The following MBD5 variants were observed in gnomAD, a reference collection of about 807,000 sequenced individuals.
The protein encoded by MBD5 is methyl-CpG binding domain protein 5.
A neutral mutation model predicts 117.3 loss-of-function variants in MBD5; 13 were observed. The ratio of observed to expected loss-of-function variants is 0.11; its 90% confidence interval spans 0.07 to 0.18. The LOEUF is 0.18. MBD5 is among the 10% of genes least tolerant of loss of function. The pLI is 1.00. For missense variants in MBD5, 1,879 were observed against 2,093.8 expected (o/e 0.90, Z 2.00); for synonymous variants, 727 against 766.4 (o/e 0.95, Z 0.85).
chr2:148,410,937 G>A (rs1330398080), intron 4 of MBD5, among the ~76,000 whole-genome samples: 2 of 152,132 alleles, frequency 1.3e-5, no homozygotes, highest in African/African-American at 4.8e-5. Context: ...GGGAGTTGGT[G>A]TACAGATTAT....
intron 1 of MBD5, among the ~76,000 whole-genome samples, chr2:148,173,857 A>G (rs899153479): frequency 6.6e-6 from 1 of 152,244 alleles, no homozygotes; most frequent in African/African-American, 2.4e-5. Flanking sequence ...TAAAATGCTC[A>G]TATTACCCAA....
intron 8 of MBD5, 37 bp from the exon 9 acceptor site, chr2:148,483,073 A>C (rs770617393): frequency 6.3e-7 from 1 of 1,582,980 alleles, no homozygotes. Context: ...TTCATGATTA[A>C]TAACTGGGTT....
intron 3 of MBD5, among the ~76,000 whole-genome samples, chr2:148,281,826 C>T (rs1190407109): frequency 6.6e-6 from 1 of 152,070 alleles, no homozygotes; most frequent in Non-Finnish European, 1.5e-5. Flanking sequence ...CTTTTTTCAG[C>T]TTCTTTTCAC....
At chr2:148,237,728 A>G (rs1417698273) in intron 3 of MBD5, among the ~76,000 whole-genome samples, 1 of 152,198 alleles carries the variant, frequency 6.6e-6, no homozygotes, top group African/African-American at 2.4e-5. Context: ...GCACCGATGG[A>G]CTTGCTCAGT....
chr2:148,317,823 C>CAT (rs975451520), intron 3 of MBD5, among the ~76,000 whole-genome samples: 9 of 152,146 alleles, frequency 5.9e-5, no homozygotes, highest in African/African-American at 9.7e-5. Context: ...TATTCCATGG[C>CAT]ATATATATAC....
At chr2:148,072,586 T>C (rs1414620493) in intron 1 of MBD5, among the ~76,000 whole-genome samples, 3 of 152,168 alleles carry the variant, frequency 2.0e-5, no homozygotes. Flanking sequence ...AATTGAATGA[T>C]TTTAGATTTA....
At chr2:148,039,676 G>A (rs1325053370) in intron 1 of MBD5, among the ~76,000 whole-genome samples, 2 of 133,292 alleles carry the variant, frequency 1.5e-5, no homozygotes, top group East Asian at 5.4e-4. Flanking sequence ...TTACTACTGT[G>A]TATTCTTTAA....
intron 2 of MBD5, among the ~76,000 whole-genome samples, chr2:148,231,080 C>T (rs771253832): frequency 6.6e-6 from 1 of 152,160 alleles, no homozygotes; most frequent in Non-Finnish European, 1.5e-5. Context: ...TACCCCCCTC[C>T]TCCAGTCCAC....
At chr2:148,230,950 T>C (rs1308384314) in intron 2 of MBD5, among the ~76,000 whole-genome samples, 1 of 152,126 alleles carries the variant, frequency 6.6e-6, no homozygotes, top group Non-Finnish European at 1.5e-5. Context: ...TCTTCCTTCT[T>C]CTCTCCTTAA....
Position 148,484,733 on chromosome 2 carries a change from A to G in MBD5, c.3544+598A>G, listed in dbSNP as rs567465666. On this transcript the variant is annotated intron_variant, in intron 9 of 13. Transcript: ENST00000642680. ...TAATTTTTTGACTTTTGTGGCTTAA[A>G]AATACAGTTTTTCATCTGTATTATC... is the stretch of plus-strand genomic sequence containing the variant. Among the ~76,000 whole-genome samples the G allele has an allele frequency of 1.6e-4, 25 of 152,320 alleles. 1 individual carries two copies. The South Asian group carries it at 2.5e-3, about 15-fold the overall frequency.
chr2:148,397,800 C>T (rs934231972), intron 4 of MBD5, among the ~76,000 whole-genome samples: 11 of 143,130 alleles, frequency 7.7e-5, no homozygotes, highest in African/African-American at 2.8e-4. Context: ...TATCCCTCCC[C>T]TCTCCCCCTA....
chr2:148,421,808 G>T (rs909477486), intron 4 of MBD5, among the ~76,000 whole-genome samples: 1 of 152,200 alleles, frequency 6.6e-6, no homozygotes, highest in East Asian at 1.9e-4. Flanking sequence ...TGTAAACAAA[G>T]CTGCCAGGAA....
At chr2:148,257,676 C>T (rs1312961496) in intron 3 of MBD5, among the ~76,000 whole-genome samples, 1 of 152,208 alleles carries the variant, frequency 6.6e-6, no homozygotes, top group African/African-American at 2.4e-5. Flanking sequence ...CCCATTCTGG[C>T]ATTGGCCAGG....
chr2:148,469,083 T>G lies in MBD5; in HGVS notation c.1140T>G (p.Ser380Arg). 6 of 1,614,072 alleles carry G rather than the reference T, an allele frequency of 3.7e-6. No individual in the cohort carries two copies. Among genetic ancestry groups the G allele is most frequent in the Non-Finnish European group, 3.4e-6 (4 of 1,179,976 alleles). Residue 380 changes from serine to arginine, a missense_variant, in exon 8 of 14, where the codon AGT becomes AGG. Physicochemically the swap from Ser to Arg is moderately radical, Grantham distance 110. This residue lies in a region of MBD5 where 1,666 missense variants were observed against 1,792.2 expected (regional missense o/e 0.93). Transcript: ENST00000642680. ...NQNPVIINPTSFHSNVHSQVP... is the reference protein window; with the variant it reads ...NQNPVIINPTRFHSNVHSQVP... Reference sequence around the variant, plus strand: ...ACCCTGTTATCATTAATCCAACCAGTTTCCATTCAAATGTCCACTCTCAGG... The same window carrying G: ...ACCCTGTTATCATTAATCCAACCAGGTTCCATTCAAATGTCCACTCTCAGG...
At chr2:148,480,110 A>G (rs1681104124) in intron 8 of MBD5, among the ~76,000 whole-genome samples, 1 of 152,044 alleles carries the variant, frequency 6.6e-6, no homozygotes. Context: ...TGTTTGTTGT[A>G]TAGATTTGTT....
chr2:148,444,421 C>T (rs1428765884), intron 4 of MBD5, among the ~76,000 whole-genome samples: 1 of 151,216 alleles, frequency 6.6e-6, no homozygotes, highest in African/African-American at 2.5e-5. Flanking sequence ...AGCCATCAGG[C>T]AGGTATCCAC....
At chr2:148,229,653 A>G (rs941832488) in intron 2 of MBD5, among the ~76,000 whole-genome samples, 1 of 152,150 alleles carries the variant, frequency 6.6e-6, no homozygotes, top group African/African-American at 2.4e-5. Context: ...GGCTTTCCAG[A>G]TATTCAAAAG....
chr2:148,159,258 A>C (rs1697947938), intron 1 of MBD5, among the ~76,000 whole-genome samples: 1 of 152,054 alleles, frequency 6.6e-6, no homozygotes, highest in South Asian at 2.1e-4. Context: ...CCTCAAATAC[A>C]AACAGTCCTC....
intron 3 of MBD5, among the ~76,000 whole-genome samples, chr2:148,258,477 C>CAATT (rs1174853390): frequency 6.6e-6 from 1 of 152,122 alleles, no homozygotes; most frequent in Non-Finnish European, 1.5e-5. Context: ...GGTGGGGGAC[C>CAATT]AGTGGATCGC....
Sources: gnomAD v4.1 joint callset for allele counts (sites outside exome capture counted in the v4.1 genomes callset) on GRCh38, gnomAD v4.1.1 for gene constraint, gnomAD v4.1.1 regional missense constraint, MANE v1.5 for transcripts, NCBI Gene and HGNC (gene_info 2026-07-23, HGNC 2026-07-21) for gene names.